CRYZL1: variants seen among roughly 807,000 people sequenced by gnomAD.
The protein encoded by CRYZL1 is crystallin zeta like 1, also known as ferry endosomal RAB5 effector complex subunit 4.
In CRYZL1, 34 loss-of-function variants were observed where a neutral mutation model predicts 50.6. The ratio of observed to expected loss-of-function variants is 0.67; its 90% CI spans 0.51 to 0.89. CRYZL1 has a LOEUF of 0.89. Among genes scored for constraint, CRYZL1 ranks in the 40% least tolerant of loss-of-function variants. CRYZL1 has a pLI of 0.00. For missense variants in CRYZL1, 354 were observed against 402.3 expected (o/e 0.88, Z 1.03); for synonymous variants, 125 against 134.3 (o/e 0.93, Z 0.48).
At chr21:33,606,133 G>A (rs2086812497) in intron 6 of CRYZL1, among the ~76,000 whole-genome samples, 1 of 152,178 alleles carries the variant, frequency 6.6e-6, no homozygotes, top group African/African-American at 2.4e-5. Flanking sequence ...TTTTACGGAT[G>A]ATGAAATAGG....
At chr21:33,634,200 C>A (rs1601352063) in intron 1 of CRYZL1, among the ~76,000 whole-genome samples, 1 of 152,256 alleles carries the variant, frequency 6.6e-6, no homozygotes, top group Middle Eastern at 3.4e-3. Flanking sequence ...CTGGGGAGAA[C>A]CGAAGCATGG....
At chr21:33,611,337 A>G (rs185887326) in intron 6 of CRYZL1, among the ~76,000 whole-genome samples, 363 of 152,354 alleles carry the variant, frequency 2.4e-3, no homozygotes, top group Non-Finnish European at 4.3e-3. Flanking sequence ...GTACGTTCCA[A>G]TAAGTGCAGC....
intron 8 of CRYZL1, among the ~76,000 whole-genome samples, chr21:33,600,891 T>C (rs1005494288): frequency 2.0e-5 from 3 of 146,996 alleles, no homozygotes; most frequent in Admixed American, 7.1e-5. Context: ...CCTCCCAAAG[T>C]GCTGGGATTA....
chr21:33,634,621 C>G (rs1210330258), intron 1 of CRYZL1, among the ~76,000 whole-genome samples: 1 of 151,794 alleles, frequency 6.6e-6, no homozygotes, highest in Non-Finnish European at 1.5e-5. Flanking sequence ...AAAAACAACT[C>G]TGTTCCTACT....
chr21:33,637,393 C>A lies in CRYZL1; in HGVS notation c.-7+4288G>T, dbSNP rs557144227. Among the ~76,000 whole-genome samples, 5 of 149,336 alleles carry A rather than the reference C, an allele frequency of 3.3e-5. No individual in the cohort carries two copies. The South Asian group carries it at 6.4e-4, about 19-fold the overall frequency. ...CCGGAAGGCGGAGCTTGCAGTGAGC[C>A]GAGATCGCGCCACTGCACTCCAGCC... On this transcript the variant is annotated intron_variant, in intron 1 of 12. Transcript: ENST00000381554.
intron 8 of CRYZL1, among the ~76,000 whole-genome samples, chr21:33,601,125 T>G (rs2086752146): frequency 6.7e-6 from 1 of 149,216 alleles, no homozygotes; most frequent in East Asian, 2.0e-4. Flanking sequence ...TTAATAGAGA[T>G]GGGGTTTCAT....
At chr21:33,621,610 G>T (rs562566946) in intron 4 of CRYZL1, among the ~76,000 whole-genome samples, 50 of 152,132 alleles carry the variant, frequency 3.3e-4, no homozygotes, top group Non-Finnish European at 6.5e-4. Context: ...CAAAGTGCTG[G>T]GATTACAGGC....
At chr21:33,592,885 C>T (rs897157660) in intron 11 of CRYZL1, among the ~76,000 whole-genome samples, 1 of 151,868 alleles carries the variant, frequency 6.6e-6, no homozygotes, top group African/African-American at 2.4e-5. Flanking sequence ...AATCCTGCCT[C>T]TACTAAAAAT....
intron 1 of CRYZL1, among the ~76,000 whole-genome samples, chr21:33,636,211 A>T (rs1209747633): frequency 1.3e-5 from 2 of 152,050 alleles, no homozygotes; most frequent in Non-Finnish European, 1.5e-5. Flanking sequence ...CCTGGGCAAC[A>T]AAGCAAGACC....
At chr21:33,594,638 C>CTTTTTTTTT (rs71322232) in intron 11 of CRYZL1, 1 of 105,344 alleles carries the variant, frequency 9.5e-6, no homozygotes, top group Non-Finnish European at 1.9e-5. Context: ...AATTACGTAA[C>CTTTTTTTTT]TTTTTTTTTT....
chr21:33,635,389 C>G (rs373739232), intron 1 of CRYZL1, among the ~76,000 whole-genome samples: 2 of 131,110 alleles, frequency 1.5e-5, no homozygotes, highest in South Asian at 2.3e-4. Context: ...CTCGCTCTGT[C>G]GCCCAGGCTG....
intron 2 of CRYZL1, 151 bp from the exon 3 acceptor site, chr21:33,624,911 A>G (rs992548489): frequency 5.3e-4 from 585 of 1,112,648 alleles, no homozygotes; most frequent in Middle Eastern, 6.6e-4. Flanking sequence ...GTAATTATAG[A>G]AATGTATATA....
At chr21:33,604,844 T>C (rs1277225785) in intron 6 of CRYZL1, among the ~76,000 whole-genome samples, 1 of 152,148 alleles carries the variant, frequency 6.6e-6, no homozygotes, top group Non-Finnish European at 1.5e-5. Context: ...GTGCATGGGT[T>C]TTCCTAGGAT....
At chr21:33,620,265 G>A (rs1340147484) in intron 4 of CRYZL1, among the ~76,000 whole-genome samples, 6 of 152,110 alleles carry the variant, frequency 3.9e-5, no homozygotes, top group African/African-American at 1.4e-4. Flanking sequence ...AAGCAAACAC[G>A]TTAATCATGA....
chr21:33,603,445 G>A lies in CRYZL1; in HGVS notation c.424C>T (p.Leu142Phe), dbSNP rs867543284. The A allele has an allele frequency of 6.2e-7, 1 of 1,614,188 alleles. No homozygotes were observed. Among genetic ancestry groups the A allele is most frequent in the South Asian group, 1.1e-5 (1 of 91,090 alleles). Residue 142 changes from leucine to phenylalanine, a missense_variant, in exon 7 of 13, where the codon CTC becomes TTC. Physicochemically the swap from Leu to Phe is conservative, Grantham distance 22. Transcript: ENST00000381554. ...AYTALHYLSH[L>F]SPGKSVLIMD... ...ATCAGCACTGATTTTCCAGGAGAGAGATGAGAAAGATAATGCAGAGCTGTA... is the reference window on the plus strand; with the variant it reads ...ATCAGCACTGATTTTCCAGGAGAGAAATGAGAAAGATAATGCAGAGCTGTA...
chr21:33,605,075 A>G (rs181348120), intron 6 of CRYZL1, among the ~76,000 whole-genome samples: 3 of 152,312 alleles, frequency 2.0e-5, no homozygotes, highest in African/African-American at 7.2e-5. Context: ...CTGACTACTA[A>G]AAGAGGTTGA....
intron 1 of CRYZL1, among the ~76,000 whole-genome samples, chr21:33,634,184 TG>T (rs1445507132): frequency 6.6e-6 from 1 of 152,188 alleles, no homozygotes; most frequent in East Asian, 1.9e-4. Context: ...TGTTTTTGTT[TG>T]GGGGCTGGGG....
At position 33,641,118 on chromosome 21, in the gene CRYZL1, G is replaced by A. The variant is rs1408224309; in HGVS notation, c.-7+563C>T. 1.3e-6 allele frequency: 2 copies of A among 1,546,932 alleles called. 1 individual carries two copies. The highest frequency in any genetic ancestry group is 2.7e-5 in the African/African-American group (2 of 72,952). On this transcript the variant is annotated intron_variant, in intron 1 of 12. Transcript: ENST00000381554. Reference sequence around the variant, plus strand: ...TCATAACGTGGACAGCAGCACCTGGGAGCTTCTTAGAAACGCAGATGTTCG... The same window carrying A: ...TCATAACGTGGACAGCAGCACCTGGAAGCTTCTTAGAAACGCAGATGTTCG...
intron 11 of CRYZL1, among the ~76,000 whole-genome samples, chr21:33,592,336 T>G (rs961656015): frequency 6.6e-6 from 1 of 151,916 alleles, no homozygotes; most frequent in Non-Finnish European, 1.5e-5. Context: ...AGGGTCTCCC[T>G]ATGTTGCCCG....
Sources: gnomAD v4.1 joint callset for allele counts (sites outside exome capture counted in the v4.1 genomes callset) on GRCh38, gnomAD v4.1.1 for gene constraint, MANE v1.5 for transcripts, NCBI Gene and HGNC (gene_info 2026-07-23, HGNC 2026-07-21) for gene names.